Variants in SMG6 observed in about 807,000 individuals in gnomAD.
SMG6 encodes the protein telomerase-binding protein EST1A.
Under a neutral mutation model 142.2 loss-of-function variants are expected in SMG6, and 66 were observed. The ratio of observed to expected loss-of-function variants is 0.46; its 90% confidence interval spans 0.38 to 0.57. The LOEUF is 0.57. SMG6 is among the 20% of genes least tolerant of loss of function. The pLI is 0.00. For missense variants in SMG6, 1,793 were observed against 1,832.0 expected, an observed-to-expected ratio of 0.98 and a Z score of 0.39; for synonymous variants, 779 against 702.4, an observed-to-expected ratio of 1.11 and a Z score of -1.72.
chr17:2,295,559 C>T (rs752769757), intron 4 of SMG6, among the ~76,000 whole-genome samples: 2 of 152,294 alleles, frequency 1.3e-5, no homozygotes, highest in African/African-American at 2.4e-5. Context: ...TCCAATCCAA[C>T]GGACACTTTT....
intron 8 of SMG6, among the ~76,000 whole-genome samples, chr17:2,267,529 C>CA (rs1393806349): frequency 6.6e-5 from 10 of 151,786 alleles, no homozygotes; most frequent in African/African-American, 2.4e-4. Context: ...TCCATGAGGC[C>CA]AAAAAATTAA....
intron 10 of SMG6, among the ~76,000 whole-genome samples, chr17:2,221,682 C>T (rs2073173343): frequency 1.3e-5 from 2 of 152,182 alleles, no homozygotes; most frequent in South Asian, 4.1e-4. Context: ...TGAGCAGTAA[C>T]CTAGTTAACA....
chr17:2,193,097 T>C (rs902614298), intron 10 of SMG6, among the ~76,000 whole-genome samples: 42 of 152,208 alleles, frequency 2.8e-4, no homozygotes, highest in African/African-American at 9.2e-4. Flanking sequence ...TCACGTCGAA[T>C]TGTAATCCCC....
chr17:2,131,464 C>CT (rs1238505389), intron 13 of SMG6, among the ~76,000 whole-genome samples: 12 of 151,906 alleles, frequency 7.9e-5, no homozygotes, highest in African/African-American at 2.4e-5. Flanking sequence ...GCCCAGCTAA[C>CT]TTTTTTTGTA....
intron 8 of SMG6, among the ~76,000 whole-genome samples, chr17:2,278,314 T>C (rs954688349): frequency 1.3e-5 from 2 of 152,004 alleles, no homozygotes; most frequent in Admixed American, 6.6e-5. Flanking sequence ...GCGATTCTCT[T>C]GCCTCAGCCT....
intron 12 of SMG6, among the ~76,000 whole-genome samples, chr17:2,173,845 CTTTTTTTTT>C (rs35215989): frequency 2.3e-4 from 17 of 74,824 alleles, no homozygotes; most frequent in African/African-American, 8.1e-4. Context: ...ATCCATAAAG[CTTTTTTTTT>C]TTTTTTTTTT....
intron 13 of SMG6, among the ~76,000 whole-genome samples, chr17:2,139,382 C>T (rs1307268064): frequency 6.6e-6 from 1 of 151,700 alleles, no homozygotes; most frequent in African/African-American, 2.4e-5. Context: ...GGTTCTAGTA[C>T]TATAAGACCG....
intron 13 of SMG6, among the ~76,000 whole-genome samples, chr17:2,109,840 G>A (rs981148423): frequency 3.3e-5 from 5 of 151,854 alleles, no homozygotes; most frequent in South Asian, 2.1e-4. Flanking sequence ...ACCTGTAGTC[G>A]CAGCACTTTG....
Position 2,262,107 on chromosome 17 carries a change from C to T in SMG6, c.2662-17388G>A, listed in dbSNP as rs114822188. Among the ~76,000 whole-genome samples the T allele has an allele frequency of 2.1e-3, 327 of 152,278 alleles. 6 individuals are homozygous for T. The highest frequency in any genetic ancestry group is 7.1e-3 in the African/African-American group (295 of 41,558). ...ATCCCAGAAAAATGTAAATCCATAGCGAGTATTATCACAATTCCTCTTTCC... is the reference window on the plus strand; with the variant it reads ...ATCCCAGAAAAATGTAAATCCATAGTGAGTATTATCACAATTCCTCTTTCC... On this transcript the variant is annotated intron_variant, in intron 8 of 18. Transcript: ENST00000263073.
chr17:2,131,697 T>C (rs2070127551), intron 13 of SMG6, among the ~76,000 whole-genome samples: 1 of 152,164 alleles, frequency 6.6e-6, no homozygotes, highest in Non-Finnish European at 1.5e-5. Flanking sequence ...TAATTTAAAA[T>C]TAAACTATAA....
At chr17:2,065,017 T>G in intron 18 of SMG6, 56 bp downstream of exon 18, 1 of 1,358,656 alleles carries the variant, frequency 7.4e-7, no homozygotes. Context: ...TGAGGATGGG[T>G]AGGATGAGGT....
At chr17:2,081,783 G>C (rs760193083) in intron 15 of SMG6, 27 bp downstream of exon 15, 1 of 1,610,614 alleles carries the variant, frequency 6.2e-7, no homozygotes, top group South Asian at 1.1e-5. Flanking sequence ...CCCATAGTGG[G>C]AACCACGCTC....
intron 10 of SMG6, among the ~76,000 whole-genome samples, chr17:2,194,010 C>T (rs372110044): frequency 2.6e-5 from 4 of 152,242 alleles, no homozygotes; most frequent in Middle Eastern, 3.4e-3. Context: ...AGGCTGGTCT[C>T]GAACTCTCGG....
At chr17:2,061,896 C>T in intron 18 of SMG6, 1 of 401,162 alleles carries the variant, frequency 2.5e-6, no homozygotes, top group Non-Finnish European at 4.7e-6. Flanking sequence ...AACCCGTCAG[C>T]CTCCCAGGAC....
In SMG6 at chr17:2,249,135, C is replaced by T. The variant is rs538748993; in HGVS notation, c.2662-4416G>A. Among the ~76,000 whole-genome samples the T allele has an allele frequency of 5.6e-3, 849 of 152,016 alleles. 6 individuals carry two copies. Among genetic ancestry groups the T allele is most frequent in the South Asian group, 0.022 (105 of 4,800 alleles). On this transcript the variant is annotated intron_variant, in intron 8 of 18. Transcript: ENST00000263073. ...GTCTCAATCTCCTGACCTTGTGATC[C>T]GCCCGCCTTGGCCTCCCAAAGTGCT...
chr17:2,123,982 T>A (rs1360331821), intron 13 of SMG6, among the ~76,000 whole-genome samples: 1 of 152,256 alleles, frequency 6.6e-6, no homozygotes, highest in Non-Finnish European at 1.5e-5. Flanking sequence ...GCCAGCTTCT[T>A]GCCTTTGGCA....
intron 13 of SMG6, among the ~76,000 whole-genome samples, chr17:2,158,868 A>T (rs1408503155): frequency 6.6e-6 from 1 of 151,258 alleles, no homozygotes; most frequent in Non-Finnish European, 1.5e-5. Context: ...TTCAAAAAAA[A>T]AAAAAAAAAG....
At chr17:2,171,913 C>T (rs1263624999) in intron 13 of SMG6, among the ~76,000 whole-genome samples, 8 of 152,126 alleles carry the variant, frequency 5.3e-5, no homozygotes, top group South Asian at 4.1e-4. Flanking sequence ...CACAGCACTT[C>T]GCTCCCAAGC....
chr17:2,066,068 T>C, intron 16 of SMG6: 1 of 239,376 alleles, frequency 4.2e-6, no homozygotes, highest in Non-Finnish European at 8.4e-6. Flanking sequence ...GCGTCCTTCC[T>C]TAACTCCTTG....
Sources: allele counts gnomAD v4.1 joint callset (sites outside exome capture counted in the v4.1 genomes callset), GRCh38; gene constraint gnomAD v4.1.1; transcripts MANE v1.5; gene names NCBI Gene and HGNC (gene_info 2026-07-23, HGNC 2026-07-21).